The following UNC5C variants were observed in gnomAD, a reference collection of about 807,000 sequenced individuals.
The protein encoded by UNC5C is unc-5 netrin receptor C.
In UNC5C, 47 loss-of-function variants were observed where a neutral mutation model predicts 99.8. The observed-to-expected ratio is 0.47, with a 90% CI of 0.37 to 0.60. The LOEUF is 0.60. Ranked by LOEUF, UNC5C falls within the 20% of genes least tolerant of loss-of-function variation. The probability of loss-of-function intolerance (pLI) is 0.00; values close to 1 mark genes in which losing one functional copy is unlikely to be tolerated. For synonymous variants in UNC5C, 487 were observed against 452.2 expected, an observed-to-expected ratio of 1.08 and a Z score of -0.98; for missense variants, 1,062 against 1,165.9, an observed-to-expected ratio of 0.91 and a Z score of 1.30.
intron 10 of UNC5C, among the ~76,000 whole-genome samples, chr4:95,212,394 C>T (rs1000980957): frequency 2.0e-5 from 3 of 152,064 alleles, no homozygotes; most frequent in Non-Finnish European, 4.4e-5. Context: ...CTATTTATAC[C>T]GCGGTTTGTC....
chr4:95,316,990 C>T (rs1332330862), intron 2 of UNC5C, among the ~76,000 whole-genome samples: 1 of 145,804 alleles, frequency 6.9e-6, no homozygotes, highest in Non-Finnish European at 1.5e-5. Context: ...AAAAAAAGAA[C>T]ACATATGCCA....
At chr4:95,191,971 ACCT>A (rs1268482613) in intron 12 of UNC5C, among the ~76,000 whole-genome samples, 2 of 37,678 alleles carry the variant, frequency 5.3e-5, no homozygotes, top group Non-Finnish European at 1.0e-4. Flanking sequence ...TCCCCTGCTC[ACCT>A]CCTCCCCTCC....
chr4:95,545,772 GCACA>G (rs3975180), intron 1 of UNC5C, among the ~76,000 whole-genome samples: 1,686 of 148,390 alleles, frequency 0.011, 26 homozygotes, highest in African/African-American at 0.035. Context: ...GCGCGCGCGC[GCACA>G]CACACACACA....
intron 7 of UNC5C, among the ~76,000 whole-genome samples, chr4:95,233,514 T>G (rs797015983): frequency 4.4e-5 from 6 of 135,628 alleles, no homozygotes; most frequent in African/African-American, 1.7e-4. Context: ...AAATTTGCAT[T>G]TCTGGACTAG....
chr4:95,300,507 T>C (rs751426648), intron 3 of UNC5C, among the ~76,000 whole-genome samples: 1 of 152,158 alleles, frequency 6.6e-6, no homozygotes, highest in African/African-American at 2.4e-5. Flanking sequence ...CCAAAATAAA[T>C]AGAGAAGCTT....
intron 1 of UNC5C, among the ~76,000 whole-genome samples, chr4:95,527,242 G>A (rs199571602): frequency 3.3e-5 from 5 of 152,024 alleles, no homozygotes; most frequent in Admixed American, 6.6e-5. Context: ...CATCACACAC[G>A]TTAATAGTAT....
intron 14 of UNC5C, among the ~76,000 whole-genome samples, chr4:95,172,464 G>A (rs919910494): frequency 6.6e-6 from 1 of 152,142 alleles, no homozygotes. Context: ...ATATGGTTAG[G>A]CAGTTTCCTC....
At chr4:95,468,743 T>A (rs1467200871) in intron 1 of UNC5C, among the ~76,000 whole-genome samples, 1 of 152,216 alleles carries the variant, frequency 6.6e-6, no homozygotes, top group Non-Finnish European at 1.5e-5. Flanking sequence ...TAATGACACC[T>A]GATCTAGAGA....
intron 1 of UNC5C, among the ~76,000 whole-genome samples, chr4:95,446,137 C>A (rs1264966435): frequency 6.6e-6 from 1 of 151,860 alleles, no homozygotes; most frequent in African/African-American, 2.4e-5. Context: ...AAGTAACCAA[C>A]GATTCAACAA....
Position 95,316,786 on chromosome 4 carries a change from T to A in UNC5C, c.347-15037A>T, listed in dbSNP as rs557841430. 9.0e-4 allele frequency among the ~76,000 whole-genome samples: 137 copies of A among 152,224 alleles called. 1 individual carries two copies. The highest frequency in any genetic ancestry group is 3.2e-3 in the African/African-American group (131 of 41,550). ...CCTGTACATATCTTATAAATGTCAA[T>A]CCATCCCACCTCAAAGTTTCTTGGT... On this transcript the variant is annotated intron_variant, in intron 2 of 15. Coordinates refer to ENST00000453304, the MANE Select transcript of UNC5C (RefSeq NM_003728.4).
intron 7 of UNC5C, chr4:95,222,414 T>C (rs1376853341): frequency 1.9e-6 from 1 of 526,338 alleles, no homozygotes; most frequent in Non-Finnish European, 3.2e-6. Flanking sequence ...ATTATGATTT[T>C]GCATCTCCTG....
chr4:95,185,013 T>C (rs1372621561), intron 13 of UNC5C, 34 bp downstream of exon 13: 3 of 1,562,248 alleles, frequency 1.9e-6, no homozygotes, highest in Non-Finnish European at 2.6e-6. Context: ...CTTAGAGATG[T>C]CTCCAGACCT....
rs553218717 is a variant in UNC5C at position 95,169,263 on chromosome 4, C to G, written c.2767G>C (p.Val923Leu). 1.2e-6 allele frequency: 2 copies of G among 1,614,162 alleles called. No homozygotes were observed. Among genetic ancestry groups the G allele is most frequent in the Admixed American group, 3.3e-5 (2 of 60,018 alleles). ...LEEMGRHETV[V>L]SLAAEGQY ...TACTGCCCTTCTGCTGCTAAGGACACCACCGTTTCATGTCTTCCCATTTCT... is the reference window on the plus strand; with the variant it reads ...TACTGCCCTTCTGCTGCTAAGGACAGCACCGTTTCATGTCTTCCCATTTCT... Residue 923 changes from valine to leucine, a missense_variant, in exon 16 of 16, where the codon GTG becomes CTG. Transcript: ENST00000453304.
chr4:95,375,859 C>T (rs1441163753), intron 1 of UNC5C, among the ~76,000 whole-genome samples: 3 of 152,134 alleles, frequency 2.0e-5, no homozygotes, highest in East Asian at 3.9e-4. Context: ...AGGTAGATCA[C>T]GAGGTCAGGA....
At chr4:95,169,938 C>T (rs1736021808) in intron 15 of UNC5C, among the ~76,000 whole-genome samples, 2 of 152,190 alleles carry the variant, frequency 1.3e-5, no homozygotes, top group South Asian at 4.1e-4. Context: ...AAACTTGATA[C>T]TTACCAATGC....
intron 1 of UNC5C, among the ~76,000 whole-genome samples, chr4:95,395,014 A>C (rs990381045): frequency 1.8e-4 from 28 of 152,202 alleles, no homozygotes; most frequent in Admixed American, 1.4e-3. Context: ...GCAAAGATTC[A>C]GAGTGAGCTG....
chr4:95,499,977 T>TA (rs35355379), intron 1 of UNC5C, among the ~76,000 whole-genome samples: 140,573 of 152,100 alleles, frequency 0.92, 65,034 homozygotes, highest in Non-Finnish European at 0.93. Flanking sequence ...CACATGAGGA[T>TA]AATCCCTCCA....
intron 1 of UNC5C, among the ~76,000 whole-genome samples, chr4:95,460,380 T>C (rs1292498886): frequency 6.6e-6 from 1 of 152,188 alleles, no homozygotes; most frequent in Admixed American, 6.6e-5. Flanking sequence ...AACACAGTGA[T>C]GTGGTTTGGC....
chr4:95,216,682 C>A (rs1018492793), intron 9 of UNC5C, among the ~76,000 whole-genome samples: 3 of 152,034 alleles, frequency 2.0e-5, no homozygotes, highest in Admixed American at 6.6e-5. Flanking sequence ...TGGTGAAGAC[C>A]TTTTATTATA....
Sources: allele counts gnomAD v4.1 joint callset (sites outside exome capture counted in the v4.1 genomes callset), GRCh38; gene constraint gnomAD v4.1.1; transcripts MANE v1.5; gene names NCBI Gene and HGNC (gene_info 2026-07-23, HGNC 2026-07-21).